LARGE1: variants seen among roughly 807,000 people sequenced by gnomAD.
The protein encoded by LARGE1 is xylosyl- and glucuronyltransferase LARGE1.
LARGE1 carries 43 observed loss-of-function variants against 87.6 expected under a neutral mutation model. The ratio of observed to expected loss-of-function variants is 0.49; its 90% confidence interval spans 0.38 to 0.63. LARGE1 has a LOEUF of 0.63. Among genes scored for constraint, LARGE1 ranks in the 30% least tolerant of loss-of-function variants. The pLI, the probability that LARGE1 is intolerant of heterozygous loss-of-function variation, is 0.00. For missense variants in LARGE1, 802 were observed against 1,000.2 expected, an observed-to-expected ratio of 0.80 and a Z score of 2.67; for synonymous variants, 434 against 394.6, an observed-to-expected ratio of 1.10 and a Z score of -1.18.
chr22:33,707,535 C>T (rs2082598712), intron 2 of LARGE1, among the ~76,000 whole-genome samples: 1 of 152,240 alleles, frequency 6.6e-6, no homozygotes, highest in Non-Finnish European at 1.5e-5. Flanking sequence ...ACGCATCATG[C>T]TCCCTCCTTT....
intron 12 of LARGE1, 102 bp from the exon 13 acceptor site, chr22:33,283,450 A>C: frequency 1.5e-6 from 2 of 1,314,722 alleles, no homozygotes; most frequent in Non-Finnish European, 2.2e-6. Flanking sequence ...GAAGTGTGGG[A>C]AAGAAAGCTC....
intron 4 of LARGE1, 110 bp from the exon 5 acceptor site, chr22:33,604,668 C>T: frequency 7.2e-7 from 1 of 1,388,428 alleles, no homozygotes; most frequent in Non-Finnish European, 1.0e-6. Flanking sequence ...TTTCTAACGG[C>T]AATTGTGAAA....
At chr22:33,075,925 A>G in the LARGE1 span, among the ~76,000 whole-genome samples, 3 of 152,208 alleles carry the variant, frequency 2.0e-5, no homozygotes, top group Non-Finnish European at 2.9e-5. Context: ...ATATCCTTAG[A>G]GAATGATAAC....
intron 13 of LARGE1, 150 bp from the exon 14 acceptor site, chr22:33,277,405 C>G (rs1467556214): frequency 1.4e-6 from 1 of 730,384 alleles, no homozygotes; most frequent in Non-Finnish European, 2.4e-6. Context: ...GAAGTCCTAA[C>G]CCCCAGTACC....
intron 2 of LARGE1, among the ~76,000 whole-genome samples, chr22:33,728,899 A>G (rs2083365928): frequency 6.6e-6 from 1 of 152,222 alleles, no homozygotes; most frequent in African/African-American, 2.4e-5. Context: ...CTACTTTGCC[A>G]AAGAAATAAT....
chr22:33,284,477 C>T (rs1931127144), intron 12 of LARGE1, among the ~76,000 whole-genome samples: 1 of 152,124 alleles, frequency 6.6e-6, no homozygotes, highest in Admixed American at 6.5e-5. Flanking sequence ...TCCTGCACGC[C>T]TGGGTTTGTC....
chr22:33,224,486 A>G (rs1925630331), intron 11 of LARGE1, among the ~76,000 whole-genome samples: 1 of 152,182 alleles, frequency 6.6e-6, no homozygotes, highest in South Asian at 2.1e-4. Context: ...ATTTGAGTAA[A>G]AAACCTAACC....
At chr22:33,593,192 T>G (rs1244937602) in intron 5 of LARGE1, among the ~76,000 whole-genome samples, 1 of 151,554 alleles carries the variant, frequency 6.6e-6, no homozygotes, top group Non-Finnish European at 1.5e-5. Context: ...TGAGACCAGG[T>G]TATGAGACTG....
intron 5 of LARGE1, among the ~76,000 whole-genome samples, chr22:33,567,535 G>C (rs541932790): frequency 6.6e-6 from 1 of 152,242 alleles, no homozygotes; most frequent in African/African-American, 2.4e-5. Context: ...TCACTTAATC[G>C]CCATGTCACC....
rs552095066 is a variant in LARGE1 at position 33,498,493 on chromosome 22, G to T, written c.788-66228C>A. On this transcript the variant is annotated intron_variant, in intron 6 of 14. Transcript: ENST00000397394. Reference sequence around the variant, plus strand: ...CTGCTATTGTTAAAATCACCACTGCGGCAGCCGAATGTCTTGGAACTGCAC... The same window carrying T: ...CTGCTATTGTTAAAATCACCACTGCTGCAGCCGAATGTCTTGGAACTGCAC... Among the ~76,000 whole-genome samples the T allele has an allele frequency of 2.6e-5, 4 of 152,158 alleles. No homozygotes were observed. In the South Asian group the frequency reaches 8.3e-4, roughly 32 times the overall value.
chr22:33,604,850 T>C (rs2079209800), intron 4 of LARGE1, among the ~76,000 whole-genome samples: 1 of 152,136 alleles, frequency 6.6e-6, no homozygotes, highest in African/African-American at 2.4e-5. Flanking sequence ...GATTCATTTT[T>C]TTCTGAAAGC....
chr22:33,409,344 AG>A (rs1272803974), intron 7 of LARGE1, among the ~76,000 whole-genome samples: 1 of 152,162 alleles, frequency 6.6e-6, no homozygotes, highest in African/African-American at 2.4e-5. Flanking sequence ...TGGCAGCCCC[AG>A]GGGAAAGCAT....
intron 7 of LARGE1, among the ~76,000 whole-genome samples, chr22:33,425,811 A>C (rs1371646314): frequency 2.0e-5 from 3 of 152,166 alleles, no homozygotes; most frequent in African/African-American, 7.2e-5. Flanking sequence ...ATCTCGGCTC[A>C]CTGCAACCTC....
chr22:33,091,834 G>A, the LARGE1 span, among the ~76,000 whole-genome samples: 1 of 152,132 alleles, frequency 6.6e-6, no homozygotes, highest in Admixed American at 6.6e-5. Flanking sequence ...CAGTTGCCTG[G>A]CACCTCATAG....
chr22:33,666,876 G>C (rs751520727), intron 2 of LARGE1, among the ~76,000 whole-genome samples: 5 of 152,186 alleles, frequency 3.3e-5, no homozygotes, highest in Non-Finnish European at 5.9e-5. Flanking sequence ...CAATGGGAGT[G>C]AGAATGCACT....
At chr22:33,527,268 G>A (rs954178437) in intron 6 of LARGE1, among the ~76,000 whole-genome samples, 4 of 152,080 alleles carry the variant, frequency 2.6e-5, no homozygotes, top group African/African-American at 9.7e-5. Context: ...AAAAAGAAGC[G>A]AATTCCAAGG....
At chr22:33,240,523 C>T (rs909994409) in intron 11 of LARGE1, among the ~76,000 whole-genome samples, 7 of 152,282 alleles carry the variant, frequency 4.6e-5, no homozygotes, top group Middle Eastern at 6.8e-3. Context: ...CTACCACATT[C>T]CGTTTATCTA....
intron 1 of LARGE1, among the ~76,000 whole-genome samples, chr22:33,854,882 T>C (rs149124147): frequency 9.9e-5 from 15 of 152,218 alleles, no homozygotes; most frequent in Non-Finnish European, 2.2e-4. Context: ...TGCTGTGGGG[T>C]GCCATGTTGC....
chr22:33,742,220 G>A (rs961827960), intron 2 of LARGE1, among the ~76,000 whole-genome samples: 4 of 152,220 alleles, frequency 2.6e-5, no homozygotes, highest in South Asian at 4.2e-4. Context: ...CAGTTTCCTC[G>A]CCTGTAAGCA....
Sources: allele counts gnomAD v4.1 joint callset (sites outside exome capture counted in the v4.1 genomes callset), GRCh38; gene constraint gnomAD v4.1.1; transcripts MANE v1.5; gene names NCBI Gene and HGNC (gene_info 2026-07-23, HGNC 2026-07-21).